Variants in SLC11A2 observed in about 807,000 individuals in gnomAD.
The protein encoded by SLC11A2 is natural resistance-associated macrophage protein 2.
Under a neutral mutation model 68.0 loss-of-function variants are expected in SLC11A2, and 38 were observed. The ratio of observed to expected loss-of-function variants is 0.56; its 90% CI spans 0.43 to 0.73. The LOEUF is 0.73. SLC11A2 is among the 30% of genes least tolerant of loss of function. SLC11A2 has a pLI of 0.00. For missense variants in SLC11A2, 517 were observed against 690.5 expected (o/e 0.75, Z 2.82); for synonymous variants, 242 against 250.6 (o/e 0.97, Z 0.32).
the SLC11A2 span, among the ~76,000 whole-genome samples, chr12:50,966,992 CT>C: frequency 1.3e-5 from 2 of 152,040 alleles, no homozygotes; most frequent in African/African-American, 2.4e-5. Context: ...TGGCATGTGC[CT>C]GTAATCCCTG....
intron 1 of SLC11A2, among the ~76,000 whole-genome samples, chr12:51,012,771 A>G (rs1477277191): frequency 3.9e-5 from 6 of 152,210 alleles, no homozygotes; most frequent in Non-Finnish European, 4.4e-5. Flanking sequence ...GTATTATATT[A>G]CAACGGACAA....
At chr12:51,009,169 G>T (rs1211090692) in intron 2 of SLC11A2, 1 of 1,494,854 alleles carries the variant, frequency 6.7e-7, no homozygotes, top group South Asian at 1.3e-5. Flanking sequence ...CAAAAAATGT[G>T]CAAGTTACAA....
the SLC11A2 span, among the ~76,000 whole-genome samples, chr12:50,964,114 G>C: frequency 6.6e-6 from 1 of 151,872 alleles, no homozygotes; most frequent in South Asian, 2.1e-4. Context: ...CACTTCTTAT[G>C]TTAGATGATA....
chr12:51,004,801 C>T lies in SLC11A2; in HGVS notation c.416G>A (p.Arg139His), dbSNP rs368158015. The T allele has an allele frequency of 1.7e-5, 27 of 1,613,784 alleles. No homozygotes were observed. Among genetic ancestry groups the T allele is most frequent in the Middle Eastern group, 1.6e-4 (1 of 6,084 alleles). ...TACATTGCTCACCTTGGGATACTGA[C>T]GGTGACATACTTCAGCAAGATGCAG... ...TGLHLAEVCH[R>H]QYPKVPRVIL... Residue 139 changes from arginine (R) to histidine (H), a missense_variant, in exon 5 of 16, where the codon CGT (arginine) becomes CAT (histidine). Arg to His is a conservative substitution (Grantham distance 29). Transcript: ENST00000262052.
the SLC11A2 span, among the ~76,000 whole-genome samples, chr12:50,954,755 C>G: frequency 6.6e-6 from 1 of 151,988 alleles, no homozygotes; most frequent in Admixed American, 6.6e-5. Context: ...AACAAAAAAC[C>G]AAAAACTTCT....
chr12:51,000,519 T>C (rs1374248104), intron 5 of SLC11A2, 100 bp from the exon 6 acceptor site: 4 of 853,844 alleles, frequency 4.7e-6, no homozygotes, highest in East Asian at 2.6e-5. Flanking sequence ...CCATAAACAG[T>C]CCTTTATAAG....
chr12:50,981,827 G>T (rs1463885212), downstream of SLC11A2: 60 of 1,367,904 alleles, frequency 4.4e-5, 1 homozygote, highest in Admixed American at 4.8e-5. Context: ...GATGGAAGAG[G>T]GTTAGACTGA....
chr12:51,015,289 A>G (rs926225448), intron 1 of SLC11A2, among the ~76,000 whole-genome samples: 1 of 151,874 alleles, frequency 6.6e-6, no homozygotes, highest in Admixed American at 6.6e-5. Context: ...AAGCCTGACC[A>G]ACATGGAGAA....
chr12:50,978,644 T>TA (rs879454530), downstream of SLC11A2, among the ~76,000 whole-genome samples: 72 of 145,160 alleles, frequency 5.0e-4, no homozygotes, highest in South Asian at 2.4e-3. Context: ...AGTATAATAA[T>TA]AAAAAAAAAA....
At chr12:50,963,090 C>G in the SLC11A2 span, among the ~76,000 whole-genome samples, 18 of 151,850 alleles carry the variant, frequency 1.2e-4, no homozygotes, top group Non-Finnish European at 2.9e-5. Flanking sequence ...GGAAAGTAGG[C>G]CAGGCATGGT....
intron 1 of SLC11A2, 110 bp from the exon 2 acceptor site, chr12:51,010,876 T>A: frequency 4.0e-6 from 2 of 499,020 alleles, no homozygotes; most frequent in South Asian, 4.1e-5. Context: ...AAAGAGTAAT[T>A]TTTCTACTGA....
Position 50,988,311 on chromosome 12 carries a change from A to G in SLC11A2, c.*14T>C. 6.2e-7 allele frequency: 1 copy of G among 1,613,936 alleles called. No homozygotes were observed. Among genetic ancestry groups the G allele is most frequent in the Non-Finnish European group, 8.5e-7 (1 of 1,179,840 alleles). ...GCTCTGATGGCTACCTGCAGAAGAC[A>G]GACTAATCCAGTGTTATTTAACGTA... On this transcript the variant is annotated 3_prime_UTR_variant, in exon 16 of 16. Transcript: ENST00000262052.
At chr12:50,961,807 C>A in the SLC11A2 span, among the ~76,000 whole-genome samples, 2 of 152,094 alleles carry the variant, frequency 1.3e-5, no homozygotes, top group Non-Finnish European at 2.9e-5. Flanking sequence ...AGTCATCCTG[C>A]GTAGGATGGA....
At position 50,986,421 on chromosome 12, in the gene SLC11A2, G is replaced by T; in HGVS notation, c.*1904C>A. 1.6e-6 allele frequency: 2 copies of T among 1,283,284 alleles called. No individual in the cohort carries two copies. The highest frequency in any genetic ancestry group is 2.0e-6 in the Non-Finnish European group (2 of 985,454). 79.5% of individuals were successfully genotyped at this position (1,283,284 alleles called of 1,614,324 possible). A position where few individuals can be genotyped will look rare whatever the true frequency, so the allele number is the denominator to read the frequency against. ...TTATAAAATGCCATTTAATTGGAAG[G>T]AGTTTTCTATCATTGCAAGTCATAA... On this transcript the variant is annotated 3_prime_UTR_variant, in exon 16 of 16. Coordinates refer to ENST00000262052, the MANE Select transcript of SLC11A2 (RefSeq NM_000617.3).
chr12:50,999,477 C>T, intron 6 of SLC11A2, 62 bp from the exon 7 acceptor site: 7 of 1,331,918 alleles, frequency 5.3e-6, no homozygotes, highest in Non-Finnish European at 7.6e-6. Flanking sequence ...TTGAAAAACA[C>T]TCTCTTCCCA....
At chr12:50,973,391 G>A in the SLC11A2 span, among the ~76,000 whole-genome samples, 2 of 152,118 alleles carry the variant, frequency 1.3e-5, no homozygotes, top group African/African-American at 4.8e-5. Flanking sequence ...GGTCTGGAGT[G>A]GACCTCCAGA....
intron 2 of SLC11A2, among the ~76,000 whole-genome samples, chr12:51,010,055 G>A (rs1288833900): frequency 1.3e-5 from 2 of 151,848 alleles, no homozygotes; most frequent in Non-Finnish European, 2.9e-5. Context: ...GTGGCGGCAG[G>A]TGCCTGTAAT....
chr12:51,007,906 G>C (rs1942864828), intron 3 of SLC11A2, among the ~76,000 whole-genome samples: 1 of 152,192 alleles, frequency 6.6e-6, no homozygotes, highest in South Asian at 2.1e-4. Flanking sequence ...CTCCCAAAGT[G>C]CTGGGATTAC....
chr12:50,994,795 T>G (rs1941541998), intron 10 of SLC11A2, 165 bp from the exon 11 acceptor site: 2 of 623,314 alleles, frequency 3.2e-6, no homozygotes, highest in Admixed American at 2.6e-5. Context: ...TTATCTAGGA[T>G]CTTCCTCTAT....
Sources: allele counts gnomAD v4.1 joint callset (sites outside exome capture counted in the v4.1 genomes callset), GRCh38; gene constraint gnomAD v4.1.1; transcripts MANE v1.5; gene names NCBI Gene and HGNC (gene_info 2026-07-23, HGNC 2026-07-21).